The following ANKHD1 variants were observed in gnomAD, a reference collection of about 807,000 sequenced individuals.
ANKHD1 encodes ankyrin repeat and KH domain containing 1.
A neutral mutation model predicts 230.5 loss-of-function variants in ANKHD1; 31 were observed. The ratio of observed to expected loss-of-function variants is 0.13; its 90% CI spans 0.10 to 0.18. The LOEUF is 0.18. Among genes scored for constraint, ANKHD1 ranks in the 10% least tolerant of loss-of-function variants. ANKHD1 has a pLI of 1.00. For synonymous variants in ANKHD1, 1,074 were observed against 1,117.6 expected (o/e 0.96, Z 0.78); for missense variants, 2,256 against 3,071.3 (o/e 0.73, Z 6.27).
intron 2 of ANKHD1, among the ~76,000 whole-genome samples, chr5:140,437,551 C>T (rs755993877): frequency 2.2e-4 from 34 of 152,016 alleles, no homozygotes; most frequent in Non-Finnish European, 2.5e-4. Context: ...AAAAAAAATA[C>T]AAAAATTAAC....
At chr5:140,470,839 C>A (rs1776442016) in intron 10 of ANKHD1, among the ~76,000 whole-genome samples, 2 of 151,784 alleles carry the variant, frequency 1.3e-5, no homozygotes, top group African/African-American at 4.8e-5. Flanking sequence ...GTTGCCCAGG[C>A]TAGTCCTGAA....
chr5:140,427,447 C>T (rs1466976940), intron 1 of ANKHD1, among the ~76,000 whole-genome samples: 5 of 129,032 alleles, frequency 3.9e-5, no homozygotes, highest in Non-Finnish European at 8.2e-5. Flanking sequence ...CTCTCCCGGA[C>T]GGGGCGGCTG....
intron 10 of ANKHD1, among the ~76,000 whole-genome samples, chr5:140,477,405 AT>A (rs1446319424): frequency 6.6e-6 from 1 of 152,204 alleles, no homozygotes; most frequent in African/African-American, 2.4e-5. Context: ...TAAAGCTAGC[AT>A]TCTGTTTCCA....
chr5:140,453,702 T>TC (rs1430443235), intron 7 of ANKHD1, among the ~76,000 whole-genome samples: 1 of 151,894 alleles, frequency 6.6e-6, no homozygotes, highest in Non-Finnish European at 1.5e-5. Context: ...CTAAAAGAGC[T>TC]CCTGAAGGAA....
At chr5:140,488,249 T>TA (rs1200617562) in intron 14 of ANKHD1, among the ~76,000 whole-genome samples, 5 of 152,152 alleles carry the variant, frequency 3.3e-5, no homozygotes, top group African/African-American at 1.2e-4. Flanking sequence ...CTAAACCTTA[T>TA]AGAGGACTGT....
intron 1 of ANKHD1, among the ~76,000 whole-genome samples, chr5:140,414,082 A>G (rs114323247): frequency 9.7e-4 from 147 of 152,226 alleles, no homozygotes; most frequent in African/African-American, 3.4e-3. Context: ...TGCCCGGTCT[A>G]TCTGTTCATC....
At chr5:140,472,178 G>T (rs982279479) in intron 10 of ANKHD1, 2 of 1,485,806 alleles carry the variant, frequency 1.3e-6, no homozygotes, top group East Asian at 4.5e-5. Context: ...AGGTCTTCAT[G>T]GCCAAATGTG....
At chr5:140,494,805 A>G (rs115945373) in intron 14 of ANKHD1, among the ~76,000 whole-genome samples, 1,855 of 152,298 alleles carry the variant, frequency 0.012, 41 homozygotes, top group African/African-American at 0.043. Context: ...AAATTCCCAA[A>G]TTACCTATGT....
chr5:140,486,364 G>A (rs934023064), intron 13 of ANKHD1, among the ~76,000 whole-genome samples: 9 of 151,944 alleles, frequency 5.9e-5, no homozygotes, highest in East Asian at 1.9e-4. Flanking sequence ...ATGCCCGGCC[G>A]AGAAAGCATT....
chr5:140,490,001 A>G (rs1751696921), intron 14 of ANKHD1, among the ~76,000 whole-genome samples: 1 of 152,250 alleles, frequency 6.6e-6, no homozygotes, highest in South Asian at 2.1e-4. Context: ...AATTACCAGG[A>G]TAGGAAAACC....
intron 14 of ANKHD1, among the ~76,000 whole-genome samples, chr5:140,491,792 G>T (rs1489567193): frequency 6.6e-6 from 1 of 152,128 alleles, no homozygotes; most frequent in Non-Finnish European, 1.5e-5. Flanking sequence ...TAAGGGCAGG[G>T]TTTATGTTGC....
At chr5:140,465,726 T>C (rs1242623066) in intron 10 of ANKHD1, among the ~76,000 whole-genome samples, 1 of 152,222 alleles carries the variant, frequency 6.6e-6, no homozygotes, top group Non-Finnish European at 1.5e-5. Context: ...TATTATCATT[T>C]CTACTAATAC....
intron 15 of ANKHD1, among the ~76,000 whole-genome samples, chr5:140,501,801 T>G (rs974620617): frequency 2.0e-5 from 3 of 152,146 alleles, no homozygotes; most frequent in Non-Finnish European, 4.4e-5. Flanking sequence ...AGTGAGATTT[T>G]TTAATAATTA....
At chr5:140,421,368 T>C (rs1338050353) in intron 1 of ANKHD1, among the ~76,000 whole-genome samples, 1 of 148,270 alleles carries the variant, frequency 6.7e-6, no homozygotes, top group African/African-American at 2.5e-5. Flanking sequence ...TGGCGTGATC[T>C]CGGCTCACTG....
At chr5:140,440,706 G>A (rs1773789046) in intron 4 of ANKHD1, among the ~76,000 whole-genome samples, 2 of 151,962 alleles carry the variant, frequency 1.3e-5, no homozygotes, top group Admixed American at 6.6e-5. Flanking sequence ...CTGTTCTTTG[G>A]CTAGATAACC....
At chr5:140,510,496 A>G (rs757765418) in intron 22 of ANKHD1, among the ~76,000 whole-genome samples, 2 of 151,548 alleles carry the variant, frequency 1.3e-5, no homozygotes, top group African/African-American at 2.4e-5. Context: ...TATTTTTAGT[A>G]GAGATGGGGT....
chr5:140,493,566 G>C (rs1751901556), intron 14 of ANKHD1, among the ~76,000 whole-genome samples: 1 of 152,142 alleles, frequency 6.6e-6, no homozygotes, highest in Admixed American at 6.5e-5. Flanking sequence ...TGTAGATGTT[G>C]CTTTAGTTTC....
At chr5:140,442,896 T>G (rs1773968338) in intron 5 of ANKHD1, among the ~76,000 whole-genome samples, 1 of 152,018 alleles carries the variant, frequency 6.6e-6, no homozygotes, top group Non-Finnish European at 1.5e-5. Flanking sequence ...ATTTTCTATT[T>G]TATTAACTTT....
chr5:140,414,200 G>A (rs1581207337), intron 1 of ANKHD1, among the ~76,000 whole-genome samples: 1 of 152,142 alleles, frequency 6.6e-6, no homozygotes, highest in South Asian at 2.1e-4. Flanking sequence ...ATTATTTTAG[G>A]TATATACCCA....
Sources: allele counts gnomAD v4.1 joint callset (sites outside exome capture counted in the v4.1 genomes callset), GRCh38; gene constraint gnomAD v4.1.1; transcripts MANE v1.5; gene names NCBI Gene and HGNC (gene_info 2026-07-23, HGNC 2026-07-21).